Variants in GUCY2F observed in about 807,000 individuals in gnomAD.
GUCY2F encodes retinal guanylyl cyclase 2.
A neutral mutation model predicts 73.1 loss-of-function variants in GUCY2F; 61 were observed. The ratio of observed to expected loss-of-function variants is 0.83; its 90% CI spans 0.68 to 1.03. The LOEUF (loss-of-function observed/expected upper bound fraction) is 1.03, where lower values mean the gene tolerates loss of function less well. Ranked by LOEUF, GUCY2F falls within the 50% of genes least tolerant of loss-of-function variation. The probability of loss-of-function intolerance (pLI) is 0.00; values close to 1 mark genes in which losing one functional copy is unlikely to be tolerated. For synonymous variants in GUCY2F, 331 were observed against 307.8 expected, an observed-to-expected ratio of 1.08 and a Z score of -0.79; for missense variants, 912 against 854.3, an observed-to-expected ratio of 1.07 and a Z score of -0.84.
At chrX:109,453,986 G>A (rs1159636614) in intron 3 of GUCY2F, 127 bp from the exon 4 acceptor site, 4 of 375,876 alleles carry the variant, frequency 1.1e-5, no homozygotes, top group South Asian at 8.0e-5. Context: ...AAGACCCAGA[G>A]GAAAAAAATT....
Position 109,378,299 on chromosome X carries a change from C to A in GUCY2F, c.3151-2132G>T, listed in dbSNP as rs1930224296. Reference sequence around the variant, plus strand: ...GACTTGAAACCAGCTCTACTAGACACCAAATTTTAAATGCTCTTCCTTCCA... The same window carrying A: ...GACTTGAAACCAGCTCTACTAGACAACAAATTTTAAATGCTCTTCCTTCCA... On this transcript the variant is annotated intron_variant, in intron 17 of 19. Coordinates refer to ENST00000218006, the MANE Select transcript of GUCY2F (RefSeq NM_001522.3). Among the ~76,000 whole-genome samples the A allele has an allele frequency of 1.8e-5, 2 of 111,418 alleles. 1 individual carries two copies. Among genetic ancestry groups the A allele is most frequent in the Non-Finnish European group, 3.8e-5 (2 of 53,055 alleles).
intron 3 of GUCY2F, among the ~76,000 whole-genome samples, chrX:109,462,259 T>C (rs1932377742): frequency 8.8e-6 from 1 of 113,198 alleles, no homozygotes; most frequent in South Asian, 3.6e-4. Context: ...AATGTCTAAG[T>C]AACTTGCCGA....
In GUCY2F at chrX:109,415,716, G is replaced by A. The variant is rs375767324; in HGVS notation, c.1792-6548C>T. On this transcript the variant is annotated intron_variant, in intron 8 of 19. Transcript: ENST00000218006. ...AAAACTGCAACACAGCTTCAATCCTGCTCAATCTTTGATTCGATTAATGTG... is the reference window on the plus strand; with the variant it reads ...AAAACTGCAACACAGCTTCAATCCTACTCAATCTTTGATTCGATTAATGTG... Among the ~76,000 whole-genome samples, 12 of 112,181 alleles carry A rather than the reference G, an allele frequency of 1.1e-4. No individual in the cohort carries two copies. The South Asian group carries it at 1.9e-3, about 17-fold the overall frequency.
chrX:109,432,415 C>A (rs1281163971), intron 7 of GUCY2F, among the ~76,000 whole-genome samples: 2 of 111,556 alleles, frequency 1.8e-5, no homozygotes, highest in Non-Finnish European at 3.8e-5. Flanking sequence ...CAAAGGCTAC[C>A]TATTAAGCTG....
intron 5 of GUCY2F, among the ~76,000 whole-genome samples, chrX:109,449,486 A>G (rs973930433): frequency 4.5e-5 from 5 of 111,802 alleles, no homozygotes; most frequent in Non-Finnish European, 9.4e-5. Context: ...CACCTGTAAA[A>G]ATAATCATGC....
chrX:109,449,514 T>C (rs1213695559), intron 5 of GUCY2F, among the ~76,000 whole-genome samples: 4 of 111,813 alleles, frequency 3.6e-5, no homozygotes, highest in Non-Finnish European at 7.5e-5. Flanking sequence ...TACACTCTAG[T>C]AGAAAGCAAA....
intron 8 of GUCY2F, among the ~76,000 whole-genome samples, chrX:109,414,976 G>A (rs933598503): frequency 1.3e-4 from 14 of 111,073 alleles, no homozygotes; most frequent in Admixed American, 1.1e-3. Flanking sequence ...ATTTTAAGTA[G>A]CTATTTATTT....
At chrX:109,384,993 C>T (rs912584378) in intron 16 of GUCY2F, among the ~76,000 whole-genome samples, 191 bp downstream of exon 16, 1 of 111,770 alleles carries the variant, frequency 8.9e-6, no homozygotes, top group Non-Finnish European at 1.9e-5. Flanking sequence ...AGTCCAACAT[C>T]ACCCCCTACT....
At chrX:109,440,690 C>A (rs1931847529) in intron 7 of GUCY2F, among the ~76,000 whole-genome samples, 1 of 111,897 alleles carries the variant, frequency 8.9e-6, no homozygotes, top group Non-Finnish European at 1.9e-5. Context: ...TAACTCATTC[C>A]TGCTGAGAAG....
intron 1 of GUCY2F, among the ~76,000 whole-genome samples, chrX:109,477,004 T>C (rs1932713572): frequency 9.1e-6 from 1 of 110,042 alleles, no homozygotes; most frequent in Non-Finnish European, 1.9e-5. Flanking sequence ...AGCAGGGAAA[T>C]AGTATTATCA....
At chrX:109,415,484 G>A (rs1370316519) in intron 8 of GUCY2F, among the ~76,000 whole-genome samples, 1 of 112,295 alleles carries the variant, frequency 8.9e-6, no homozygotes, top group African/African-American at 3.2e-5. Context: ...TCTCACTGAA[G>A]AAATAGGGCC....
intron 10 of GUCY2F, among the ~76,000 whole-genome samples, chrX:109,403,871 A>G: frequency 8.9e-6 from 1 of 112,565 alleles, no homozygotes; most frequent in Middle Eastern, 4.6e-3. Context: ...CACATAAACC[A>G]CAGAGCATTT....
chrX:109,394,764 G>A (rs930799008), intron 12 of GUCY2F, among the ~76,000 whole-genome samples: 25 of 112,089 alleles, frequency 2.2e-4, no homozygotes, highest in African/African-American at 8.1e-4. Context: ...AGTATCTTAA[G>A]GAGGAAGGTT....
intron 8 of GUCY2F, among the ~76,000 whole-genome samples, chrX:109,428,459 G>T (rs1290559386): frequency 2.7e-5 from 3 of 111,759 alleles, no homozygotes; most frequent in Non-Finnish European, 5.6e-5. Context: ...TGAAATAATT[G>T]ATCTGAATTC....
At chrX:109,444,648 C>T (rs1031282185) in intron 6 of GUCY2F, among the ~76,000 whole-genome samples, 2 of 111,378 alleles carry the variant, frequency 1.8e-5, no homozygotes, top group African/African-American at 6.5e-5. Flanking sequence ...TAGGACACCT[C>T]GCCTATGGGG....
At chrX:109,392,626 G>A (rs964079108) in intron 13 of GUCY2F, among the ~76,000 whole-genome samples, 3 of 108,010 alleles carry the variant, frequency 2.8e-5, no homozygotes, top group African/African-American at 7.4e-5. Flanking sequence ...GCAAAGTCAC[G>A]AAGTGACACA....
At chrX:109,460,578 C>G (rs774353717) in intron 3 of GUCY2F, among the ~76,000 whole-genome samples, 1 of 111,436 alleles carries the variant, frequency 9.0e-6, no homozygotes, top group African/African-American at 3.3e-5. Flanking sequence ...CATGCAAAAT[C>G]TCAAAAATTT....
chrX:109,449,529 A>G (rs1932093956), intron 5 of GUCY2F, among the ~76,000 whole-genome samples: 1 of 111,275 alleles, frequency 9.0e-6, no homozygotes, highest in Non-Finnish European at 1.9e-5. Context: ...AGCAAACTGG[A>G]CTCCCAATCC....
intron 10 of GUCY2F, 152 bp from the exon 11 acceptor site, chrX:109,398,850 G>C (rs1930773392): frequency 2.1e-6 from 1 of 469,717 alleles, no homozygotes; most frequent in African/African-American, 2.4e-5. Flanking sequence ...CCCAGGGTCT[G>C]AATCTATTCT....
Sources: gnomAD v4.1 joint callset for allele counts (sites outside exome capture counted in the v4.1 genomes callset) on GRCh38, gnomAD v4.1.1 for gene constraint, MANE v1.5 for transcripts, NCBI Gene and HGNC (gene_info 2026-07-23, HGNC 2026-07-21) for gene names.